YAP1: variants seen among roughly 807,000 people sequenced by gnomAD.
YAP1 encodes transcriptional coactivator YAP1.
Under a neutral mutation model 56.9 loss-of-function variants are expected in YAP1, and 5 were observed. The ratio of observed to expected loss-of-function variants is 0.09; its 90% CI spans 0.05 to 0.18. The LOEUF (loss-of-function observed/expected upper bound fraction) is 0.18. Among genes scored for constraint, YAP1 ranks in the 10% least tolerant of loss-of-function variants. The pLI is 1.00. For synonymous variants in YAP1, 265 were observed against 248.1 expected (o/e 1.07, Z -0.64); for missense variants, 539 against 651.8 (o/e 0.83, Z 1.88).
chr11:102,185,950 C>T, intron 3 of YAP1, 68 bp from the exon 4 acceptor site: 24 of 1,421,694 alleles, frequency 1.7e-5, no homozygotes, highest in South Asian at 5.7e-5. Context: ...AAATTAGTAC[C>T]CCCTCCCACT....
chr11:102,166,806 A>T (rs558034037), intron 3 of YAP1, among the ~76,000 whole-genome samples: 28 of 152,248 alleles, frequency 1.8e-4, no homozygotes, highest in African/African-American at 6.7e-4. Flanking sequence ...AATTCCCATC[A>T]TTCATAATTG....
chr11:102,184,306 G>A (rs1947830240), intron 3 of YAP1, among the ~76,000 whole-genome samples: 1 of 152,168 alleles, frequency 6.6e-6, no homozygotes, highest in South Asian at 2.1e-4. Context: ...CAGTTTTGGA[G>A]TTCTGTCTTT....
intron 4 of YAP1, among the ~76,000 whole-genome samples, chr11:102,205,306 T>A (rs1402039964): frequency 6.6e-6 from 1 of 152,204 alleles, no homozygotes; most frequent in Non-Finnish European, 1.5e-5. Flanking sequence ...GATGTGTATG[T>A]GGATATATTA....
intron 4 of YAP1, among the ~76,000 whole-genome samples, chr11:102,202,488 T>A (rs1948920750): frequency 6.6e-6 from 1 of 151,996 alleles, no homozygotes; most frequent in Non-Finnish European, 1.5e-5. Context: ...CGATTTTTTT[T>A]TTTTTAAACC....
intron 3 of YAP1, among the ~76,000 whole-genome samples, chr11:102,165,410 A>C (rs1591291446): frequency 1.3e-5 from 2 of 152,314 alleles, no homozygotes; most frequent in Admixed American, 1.3e-4. Context: ...GAAATGTTTT[A>C]ATATATTACA....
chr11:102,144,988 A>G (rs571049529), intron 2 of YAP1, among the ~76,000 whole-genome samples: 3 of 152,230 alleles, frequency 2.0e-5, no homozygotes, highest in South Asian at 4.1e-4. Flanking sequence ...TCTTTTGTTT[A>G]AAAGAGGGAT....
chr11:102,110,910 C>G lies in YAP1; in HGVS notation c.62C>G (p.Ser21Trp). Residue 21 changes from serine (S) to tryptophan (W), a missense_variant, in exon 1 of 9, where the codon TCG becomes TGG. Around this residue, in one of 4 missense-constraint regions of YAP1, gnomAD observed 106 missense variants for 86.6 expected, o/e 1.22. Transcript: ENST00000282441. ...CCCCAGGGCCAAGGGCAGCCGCCTT[C>G]GCAGCCCCCGCAGGGGCAGGGCCCG... Reference protein sequence around the residue: ...PAPQGQGQPPSQPPQGQGPPS... With the variant: ...PAPQGQGQPPWQPPQGQGPPS... 1 of 1,433,186 alleles carries G rather than the reference C, an allele frequency of 7.0e-7. No homozygotes were observed. The highest frequency in any genetic ancestry group is 2.5e-4 in the Middle Eastern group (1 of 3,946). 88.8% of individuals were successfully genotyped at this position (1,433,186 alleles called of 1,614,324 possible).
At chr11:102,216,786 A>G (rs1235418389) in intron 6 of YAP1, among the ~76,000 whole-genome samples, 1 of 152,252 alleles carries the variant, frequency 6.6e-6, no homozygotes, top group Non-Finnish European at 1.5e-5. Context: ...GGTAACTAGG[A>G]TAAATAGTTT....
intron 2 of YAP1, among the ~76,000 whole-genome samples, chr11:102,126,931 C>G (rs1186414279): frequency 6.6e-6 from 1 of 152,160 alleles, no homozygotes; most frequent in East Asian, 1.9e-4. Flanking sequence ...TACGTTTTAG[C>G]AAAGGGACTG....
At chr11:102,120,011 T>G (rs1349994880) in intron 2 of YAP1, among the ~76,000 whole-genome samples, 1 of 152,204 alleles carries the variant, frequency 6.6e-6, no homozygotes, top group African/African-American at 2.4e-5. Flanking sequence ...AGGGAGGTCT[T>G]AAAGAGCTGT....
chr11:102,176,603 G>A lies in YAP1; in HGVS notation c.689-9415G>A, dbSNP rs549844610. 1.7e-3 allele frequency among the ~76,000 whole-genome samples: 263 copies of A among 151,778 alleles called. 1 individual carries two copies. The highest frequency in any genetic ancestry group is 0.017 in the Middle Eastern group (5 of 294). Reference sequence around the variant, plus strand: ...CTACTAAAAATAACAAAAGTTAGCCGGGTGTGGTGGTGCACCCCTGTAATC... The same window carrying A: ...CTACTAAAAATAACAAAAGTTAGCCAGGTGTGGTGGTGCACCCCTGTAATC... On this transcript the variant is annotated intron_variant, in intron 3 of 8. Coordinates refer to ENST00000282441, the MANE Select transcript of YAP1 (RefSeq NM_001130145.3).
At position 102,110,882 on chromosome 11, in the gene YAP1, G is replaced by GC; in HGVS notation, c.40dup (p.Gln14ProfsTer98). ...CGGGCAGCAGCCGCCGCCTCAACCGGCCCCCCAGGGCCAAGGGCAGCCGCC... is the reference window on the plus strand; with the variant it reads ...CGGGCAGCAGCCGCCGCCTCAACCGGCCCCCCCAGGGCCAAGGGCAGCCGCC... On this transcript the variant is annotated frameshift_variant, in exon 1 of 9. Coordinates refer to ENST00000282441, the MANE Select transcript of YAP1 (RefSeq NM_001130145.3). LOFTEE classifies it high-confidence loss of function. The GC allele has an allele frequency of 2.8e-6, 4 of 1,420,786 alleles. No individual in the cohort carries two copies. Among genetic ancestry groups the GC allele is most frequent in the South Asian group, 1.4e-5 (1 of 69,402 alleles). The allele number at this position is 1,420,786 out of a possible 1,614,324, so 88.0% of individuals were successfully genotyped here.
chr11:102,170,062 A>G (rs1354466136), intron 3 of YAP1, among the ~76,000 whole-genome samples: 1 of 152,210 alleles, frequency 6.6e-6, no homozygotes, highest in Non-Finnish European at 1.5e-5. Context: ...AAACCCAGTG[A>G]TGGCTGATAA....
In YAP1 at chr11:102,223,695, G is replaced by C; in HGVS notation, c.1106G>C (p.Gly369Ala). 6.2e-7 allele frequency: 1 copy of C among 1,614,110 alleles called. No homozygotes were observed. The highest frequency in any genetic ancestry group is 8.5e-7 in the Non-Finnish European group (1 of 1,180,018). The change falls in exon 7 of 9, where the codon GGG becomes GCG. Residue 369 changes from glycine to alanine, a missense_variant. Around this residue, in one of 4 missense-constraint regions of YAP1, gnomAD observed 414 missense variants for 512.4 expected, o/e 0.81. Transcript: ENST00000282441. ...GGTQNPVSSP[G>A]MSQELRTMTT... ...ACTCAAAATCCAGTGTCTTCTCCCG[G>C]GATGTCTCAGGAATTGAGAACAATG...
At chr11:102,183,809 G>C (rs982183133) in intron 3 of YAP1, among the ~76,000 whole-genome samples, 5 of 151,754 alleles carry the variant, frequency 3.3e-5, no homozygotes, top group Non-Finnish European at 7.4e-5. Context: ...GGGCGCGGTG[G>C]CTCACGCCTG....
intron 2 of YAP1, among the ~76,000 whole-genome samples, chr11:102,150,019 C>G (rs1945543020): frequency 9.3e-6 from 1 of 107,982 alleles, no homozygotes; most frequent in East Asian, 3.2e-4. Context: ...CAGTCTTGCT[C>G]TGTGGCCCAG....
chr11:102,219,428 C>A (rs780004122), intron 6 of YAP1, among the ~76,000 whole-genome samples: 2 of 152,016 alleles, frequency 1.3e-5, no homozygotes, highest in African/African-American at 4.8e-5. Context: ...GGGATCACCA[C>A]GGAGAGTTTC....
At chr11:102,175,639 A>G (rs1277310556) in intron 3 of YAP1, among the ~76,000 whole-genome samples, 1 of 152,210 alleles carries the variant, frequency 6.6e-6, no homozygotes, top group Admixed American at 6.5e-5. Flanking sequence ...CCTATTATAC[A>G]CATAGACTCA....
Position 102,232,818 on chromosome 11 carries a change from T to G in YAP1, c.*2878T>G, listed in dbSNP as rs967383880. The G allele has an allele frequency of 1.3e-5, 2 of 152,662 alleles. No homozygotes were observed. Among genetic ancestry groups the G allele is most frequent in the African/African-American group, 4.8e-5 (2 of 41,476 alleles). The allele number at this position is 152,662 out of a possible 1,614,324, so 9.5% of individuals were successfully genotyped here. A position where few individuals can be genotyped will look rare whatever the true frequency, so the allele number is the denominator to read the frequency against. ...TTATGGTTGATGGAGCACATTGATT[T>G]GGAGTTTCAGATCTTCCAAAGCACT... On this transcript the variant is annotated 3_prime_UTR_variant, in exon 9 of 9. Coordinates refer to ENST00000282441, the MANE Select transcript of YAP1 (RefSeq NM_001130145.3).
Sources: allele counts gnomAD v4.1 joint callset (sites outside exome capture counted in the v4.1 genomes callset), GRCh38; gene constraint gnomAD v4.1.1; regional missense constraint gnomAD v4.1.1; transcripts MANE v1.5; gene names NCBI Gene and HGNC (gene_info 2026-07-23, HGNC 2026-07-21).